The following CSMD2 variants were observed in gnomAD, a reference collection of about 807,000 sequenced individuals.
CSMD2 encodes the protein CUB and Sushi multiple domains 2, also known as CUB and sushi domain-containing protein 2.
A neutral mutation model predicts 398.5 loss-of-function variants in CSMD2; 130 were observed. That is an observed-to-expected ratio of 0.33 (90% CI 0.28 to 0.38). The LOEUF (loss-of-function observed/expected upper bound fraction) is 0.38. CSMD2 is among the 10% of genes least tolerant of loss of function. CSMD2 has a pLI of 1.00. For missense variants in CSMD2, 3,829 were observed against 4,764.9 expected (o/e 0.80, Z 5.78); for synonymous variants, 1,828 against 1,908.5 (o/e 0.96, Z 1.10).
chr1:33,698,968 G>A (rs376114060), intron 23 of CSMD2, 24 bp from the exon 24 acceptor site: 30 of 1,600,722 alleles, frequency 1.9e-5, no homozygotes, highest in Non-Finnish European at 2.4e-5. Context: ...AAGAGGTAGA[G>A]TGAGTAAGAC....
chr1:33,904,486 TCTGC>T (rs563483681), intron 5 of CSMD2, among the ~76,000 whole-genome samples: 68 of 152,346 alleles, frequency 4.5e-4, no homozygotes, highest in African/African-American at 1.6e-3. Context: ...TGTTCCATTT[TCTGC>T]CTATGAATCT....
chr1:33,910,858 G>A (rs2125263226), intron 5 of CSMD2, among the ~76,000 whole-genome samples: 1 of 152,286 alleles, frequency 6.6e-6, no homozygotes, highest in East Asian at 1.9e-4. Flanking sequence ...TCAAGTTCTG[G>A]ACTTTTCAGT....
At chr1:34,161,541 A>C (rs1641327544) in intron 1 of CSMD2, among the ~76,000 whole-genome samples, 1 of 152,232 alleles carries the variant, frequency 6.6e-6, no homozygotes, top group African/African-American at 2.4e-5. Context: ...AGTAAAACAT[A>C]GTGTCCCAGA....
chr1:34,010,212 T>C (rs769411801), intron 3 of CSMD2, among the ~76,000 whole-genome samples: 1 of 152,196 alleles, frequency 6.6e-6, no homozygotes, highest in Non-Finnish European at 1.5e-5. Context: ...GTCTTTCCTC[T>C]TTCTGTCTGG....
At chr1:33,710,290 G>A (rs1273444889) in intron 21 of CSMD2, among the ~76,000 whole-genome samples, 1 of 152,114 alleles carries the variant, frequency 6.6e-6, no homozygotes, top group African/African-American at 2.4e-5. Flanking sequence ...CTTGCTGCCT[G>A]TCCTGTGTCC....
At chr1:33,896,142 T>C (rs539153117) in intron 5 of CSMD2, among the ~76,000 whole-genome samples, 90 of 152,310 alleles carry the variant, frequency 5.9e-4, no homozygotes, top group Non-Finnish European at 1.1e-3. Context: ...TATGTAGATT[T>C]TGATGATGAA....
intron 13 of CSMD2, among the ~76,000 whole-genome samples, chr1:33,755,887 T>TA (rs1268263335): frequency 6.6e-6 from 1 of 152,118 alleles, no homozygotes; most frequent in Non-Finnish European, 1.5e-5. Context: ...ACTCTGGTCT[T>TA]AGACACCTGG....
intron 53 of CSMD2, among the ~76,000 whole-genome samples, chr1:33,566,740 A>G (rs1659090615): frequency 6.6e-6 from 1 of 152,230 alleles, no homozygotes. Context: ...TGGAGATACT[A>G]GTTATGAATA....
intron 60 of CSMD2, among the ~76,000 whole-genome samples, chr1:33,539,415 A>T (rs1226690130): frequency 6.6e-6 from 1 of 152,252 alleles, no homozygotes; most frequent in Non-Finnish European, 1.5e-5. Flanking sequence ...GATGATGCAT[A>T]GATCAGTAAA....
Position 33,663,210 on chromosome 1 carries a change from C to A in CSMD2, c.4053-118G>T, listed in dbSNP as rs899846536. 4 of 785,256 alleles carry A rather than the reference C, an allele frequency of 5.1e-6. No individual in the cohort carries two copies. In the Admixed American group the frequency reaches 7.8e-5, roughly 15 times the overall value. The allele number at this position is 785,256 out of a possible 1,614,324, so 48.6% of individuals were successfully genotyped here. A position where few individuals can be genotyped will look rare whatever the true frequency, so the allele number is the denominator to read the frequency against. On this transcript the variant is annotated intron_variant, in intron 25 of 70. Transcript: ENST00000373381. ...CTAAACCTACAAAGCCCTAAACCTC[C>A]GAAGCCCAGCAGGAGGGGAGAGAAG...
intron 49 of CSMD2, among the ~76,000 whole-genome samples, chr1:33,576,804 GTTTT>G (rs369948744): frequency 2.8e-5 from 4 of 144,450 alleles, no homozygotes; most frequent in African/African-American, 7.6e-5. Flanking sequence ...ATTATCTACC[GTTTT>G]TTTTTTTCTT....
intron 5 of CSMD2, among the ~76,000 whole-genome samples, chr1:33,877,831 T>G (rs1640946801): frequency 6.6e-6 from 1 of 152,096 alleles, no homozygotes; most frequent in Non-Finnish European, 1.5e-5. Flanking sequence ...GCCAAGCCCC[T>G]GCCCTCTTTT....
At chr1:33,740,329 C>G (rs183302787) in intron 14 of CSMD2, among the ~76,000 whole-genome samples, 12 of 151,922 alleles carry the variant, frequency 7.9e-5, no homozygotes, top group Admixed American at 5.2e-4. Flanking sequence ...TCTATTTTCA[C>G]CCCTGTTGTT....
At chr1:34,136,172 G>T (rs2148512191) in intron 1 of CSMD2, among the ~76,000 whole-genome samples, 1 of 152,258 alleles carries the variant, frequency 6.6e-6, no homozygotes, top group Admixed American at 6.5e-5. Flanking sequence ...AGTCACACAG[G>T]TTGCTCTAGT....
rs775819175 is a variant in CSMD2, at chr1:33,519,976, C to T, written c.10598-26G>A. ...CTGTAAAGTCCCAAAGCAGAAAAGT[C>T]AAGTCACGAGACACAGTCTGAGGCT... On this transcript the variant is annotated intron_variant, in intron 68 of 70. Transcript: ENST00000373381. The surrounding 1 kb of genome is among the most constrained non-coding windows in gnomAD (Gnocchi z 5.6). The T allele has an allele frequency of 6.2e-7, 1 of 1,612,658 alleles. No homozygotes were observed.
chr1:33,636,454 G>A lies in CSMD2; in HGVS notation c.4875C>T (p.His1625=), dbSNP rs141475511. 9.0e-4 allele frequency: 1,454 copies of A among 1,614,158 alleles called. 15 individuals are homozygous for A. The African/African-American group carries it at 0.017, about 19-fold the overall frequency. The change falls in exon 30 of 71, where the codon CAC becomes CAT. Residue 1625 remains histidine (H), a synonymous_variant. Transcript: ENST00000373381. This position sits in a 1 kb window ranked among gnomAD's most constrained non-coding sequence, Gnocchi z 4.8. ...KLGSSVTYYC[H]GGYEVEGTST... ...AGGTGCCCTCAACTTCGTAGCCCCC[G>A]TGGCAGTAGTAGGTGACGGAGGAGC...
chr1:33,957,506 T>C (rs1645206661), intron 3 of CSMD2, among the ~76,000 whole-genome samples: 1 of 152,156 alleles, frequency 6.6e-6, no homozygotes, highest in African/African-American at 2.4e-5. Flanking sequence ...GGACTTTCTG[T>C]GTCATCAAAG....
intron 7 of CSMD2, among the ~76,000 whole-genome samples, chr1:33,822,119 G>T (rs1658226050): frequency 6.6e-6 from 1 of 152,146 alleles, no homozygotes; most frequent in Non-Finnish European, 1.5e-5. Context: ...TGGCTCAAAG[G>T]TGGGCCAGTT....
At chr1:33,961,107 C>G (rs935551260) in intron 3 of CSMD2, among the ~76,000 whole-genome samples, 1 of 152,270 alleles carries the variant, frequency 6.6e-6, no homozygotes, top group African/African-American at 2.4e-5. Context: ...TACTTGCCAG[C>G]TGTAGTCACA....
Sources: allele counts gnomAD v4.1 joint callset (sites outside exome capture counted in the v4.1 genomes callset), GRCh38; gene constraint gnomAD v4.1.1; non-coding constraint Gnocchi (gnomAD v3.1); transcripts MANE v1.5; gene names NCBI Gene and HGNC (gene_info 2026-07-23, HGNC 2026-07-21).